GBE1: variants seen among roughly 807,000 people sequenced by gnomAD.
GBE1 encodes 1,4-alpha-glucan-branching enzyme.
GBE1 carries 70 observed loss-of-function variants against 88.8 expected under a neutral mutation model. The ratio of observed to expected loss-of-function variants is 0.79; its 90% CI spans 0.65 to 0.96. The LOEUF (loss-of-function observed/expected upper bound fraction) is 0.96. GBE1 is among the 40% of genes least tolerant of loss of function. The pLI is 0.00. For missense variants in GBE1, 872 were observed against 871.0 expected, an observed-to-expected ratio of 1.00 and a Z score of -0.01; for synonymous variants, 284 against 300.1, an observed-to-expected ratio of 0.95 and a Z score of 0.56.
chr3:81,651,351 T>C (rs1704849101), intron 3 of GBE1, among the ~76,000 whole-genome samples: 1 of 152,204 alleles, frequency 6.6e-6, no homozygotes, highest in Non-Finnish European at 1.5e-5. Flanking sequence ...TCCACAGCAC[T>C]TCCTTCAGAT....
chr3:81,757,046 G>A (rs1235686959), intron 1 of GBE1, among the ~76,000 whole-genome samples: 1 of 152,046 alleles, frequency 6.6e-6, no homozygotes, highest in Non-Finnish European at 1.5e-5. Flanking sequence ...CTTTTATTCA[G>A]TGATTTTTCC....
At chr3:81,757,789 A>G (rs963624093) in intron 1 of GBE1, among the ~76,000 whole-genome samples, 1 of 152,232 alleles carries the variant, frequency 6.6e-6, no homozygotes, top group African/African-American at 2.4e-5. Context: ...AGATATAAAT[A>G]AGTCCAAGAT....
intron 1 of GBE1, 141 bp from the exon 2 acceptor site, chr3:81,705,754 T>C (rs539923636): frequency 1.9e-6 from 1 of 514,468 alleles, no homozygotes; most frequent in South Asian, 4.2e-5. Flanking sequence ...ATTTCATTTA[T>C]TAGTAGAGGC....
chr3:81,595,275 C>G (rs1703942635), intron 7 of GBE1, among the ~76,000 whole-genome samples: 1 of 151,566 alleles, frequency 6.6e-6, no homozygotes, highest in African/African-American at 2.4e-5. Flanking sequence ...AGGGGGAAAT[C>G]CTGTTTAACA....
intron 1 of GBE1, among the ~76,000 whole-genome samples, chr3:81,712,308 A>AC (rs1194193200): frequency 6.6e-6 from 1 of 152,222 alleles, no homozygotes; most frequent in Non-Finnish European, 1.5e-5. Flanking sequence ...TTGGGTATGT[A>AC]CCCAAAGGAT....
chr3:81,677,252 T>C (rs1227682193), intron 2 of GBE1, among the ~76,000 whole-genome samples: 1 of 152,204 alleles, frequency 6.6e-6, no homozygotes, highest in Non-Finnish European at 1.5e-5. Flanking sequence ...GGCCAATCCC[T>C]GCCACACCCA....
At chr3:81,659,375 A>G (rs888996560) in intron 3 of GBE1, among the ~76,000 whole-genome samples, 10 of 151,222 alleles carry the variant, frequency 6.6e-5, no homozygotes, top group Non-Finnish European at 1.2e-4. Context: ...TCAGTCTGTC[A>G]CCCAGGCTGG....
intron 3 of GBE1, among the ~76,000 whole-genome samples, chr3:81,655,853 T>C (rs897872470): frequency 6.6e-6 from 1 of 152,168 alleles, no homozygotes; most frequent in African/African-American, 2.4e-5. Flanking sequence ...AAATATCTAG[T>C]GTAAACATTA....
intron 7 of GBE1, among the ~76,000 whole-genome samples, chr3:81,614,840 G>T (rs1023533105): frequency 5.3e-5 from 8 of 151,950 alleles, no homozygotes; most frequent in Non-Finnish European, 1.2e-4. Flanking sequence ...CAGCCTGGGA[G>T]ACAGAGTGAC....
rs572192718 is a variant in GBE1 at position 81,678,172 on chromosome 3, A to T, written c.314-7219T>A. Among the ~76,000 whole-genome samples, 13 of 152,306 alleles carry T rather than the reference A, an allele frequency of 8.5e-5. No homozygotes were observed. The East Asian group carries it at 1.4e-3, about 16-fold the overall frequency. ...GTATGGTATAACTTATTGTTCCTAG[A>T]CTACAAACCTGTATGACATGTTATT... On this transcript the variant is annotated intron_variant, in intron 2 of 15. Transcript: ENST00000429644.
intron 7 of GBE1, among the ~76,000 whole-genome samples, chr3:81,641,313 A>T (rs1704674705): frequency 6.6e-6 from 1 of 152,148 alleles, no homozygotes. Context: ...TACTTCTATA[A>T]GATGTACTCA....
At chr3:81,532,148 G>A (rs1703018367) in intron 14 of GBE1, among the ~76,000 whole-genome samples, 1 of 151,800 alleles carries the variant, frequency 6.6e-6, no homozygotes, top group Non-Finnish European at 1.5e-5. Context: ...ACCCTCTTCT[G>A]TGCCTCTTTG....
intron 7 of GBE1, among the ~76,000 whole-genome samples, chr3:81,638,876 T>C (rs953089520): frequency 6.6e-6 from 1 of 152,130 alleles, no homozygotes; most frequent in Non-Finnish European, 1.5e-5. Context: ...CAGCAACATA[T>C]CTCTACAGAA....
At chr3:81,596,877 A>G (rs1703963613) in intron 7 of GBE1, among the ~76,000 whole-genome samples, 1 of 152,002 alleles carries the variant, frequency 6.6e-6, no homozygotes, top group Admixed American at 6.6e-5. Flanking sequence ...TCTTTGAAAT[A>G]GAGCAAGCTT....
At chr3:81,526,745 C>A (rs991764686) in intron 14 of GBE1, among the ~76,000 whole-genome samples, 2 of 152,092 alleles carry the variant, frequency 1.3e-5, no homozygotes, top group African/African-American at 2.4e-5. Context: ...GAAGAACATT[C>A]CCTGCTCATG....
At chr3:81,710,497 A>C (rs925962254) in intron 1 of GBE1, among the ~76,000 whole-genome samples, 2 of 151,976 alleles carry the variant, frequency 1.3e-5, no homozygotes, top group Non-Finnish European at 2.9e-5. Flanking sequence ...AGCTGATATT[A>C]GCTTTATTTC....
intron 7 of GBE1, among the ~76,000 whole-genome samples, chr3:81,631,493 T>C (rs1157165666): frequency 6.6e-6 from 1 of 151,928 alleles, no homozygotes; most frequent in Non-Finnish European, 1.5e-5. Flanking sequence ...TCCCAGCACT[T>C]TGGAAGGCCA....
intron 1 of GBE1, among the ~76,000 whole-genome samples, chr3:81,740,029 A>T (rs1706323292): frequency 6.6e-6 from 1 of 152,084 alleles, no homozygotes; most frequent in African/African-American, 2.4e-5. Context: ...GTTCAAGACC[A>T]GCCTGAGCAG....
chr3:81,708,473 CA>C (rs1559694913), intron 1 of GBE1, among the ~76,000 whole-genome samples: 5 of 152,028 alleles, frequency 3.3e-5, no homozygotes. Flanking sequence ...ACCTAAACTT[CA>C]AAATTCAATT....
Sources: allele counts gnomAD v4.1 joint callset (sites outside exome capture counted in the v4.1 genomes callset), GRCh38; gene constraint gnomAD v4.1.1; transcripts MANE v1.5; gene names NCBI Gene and HGNC (gene_info 2026-07-23, HGNC 2026-07-21).